LRMDA: variants seen among roughly 807,000 people sequenced by gnomAD.
LRMDA encodes leucine-rich melanocyte differentiation-associated protein.
Under a neutral mutation model 29.8 loss-of-function variants are expected in LRMDA, and 18 were observed. The ratio of observed to expected loss-of-function variants is 0.60; its 90% CI spans 0.42 to 0.90. The LOEUF (loss-of-function observed/expected upper bound fraction) is 0.90, where lower values mean the gene tolerates loss of function less well. Ranked by LOEUF, LRMDA falls within the 40% of genes least tolerant of loss-of-function variation. The pLI, the probability that LRMDA is intolerant of heterozygous loss-of-function variation, is 0.00. For synonymous variants in LRMDA, 125 were observed against 109.4 expected, an observed-to-expected ratio of 1.14 and a Z score of -0.89; for missense variants, 273 against 273.9, an observed-to-expected ratio of 1.00 and a Z score of 0.02.
chr10:75,707,320 A>G (rs1321634135), intron 2 of LRMDA, among the ~76,000 whole-genome samples: 1 of 152,218 alleles, frequency 6.6e-6, no homozygotes, highest in Non-Finnish European at 1.5e-5. Flanking sequence ...TGTGGGGCCC[A>G]CAGAAACTGA....
chr10:76,116,463 C>T (rs1849669344), intron 5 of LRMDA, among the ~76,000 whole-genome samples: 1 of 152,152 alleles, frequency 6.6e-6, no homozygotes, highest in Non-Finnish European at 1.5e-5. Flanking sequence ...ACTAGAACCC[C>T]AGGCTTCCTA....
chr10:75,744,012 C>T (rs1842862463), intron 2 of LRMDA, among the ~76,000 whole-genome samples: 1 of 152,156 alleles, frequency 6.6e-6, no homozygotes, highest in African/African-American at 2.4e-5. Flanking sequence ...AGTTGAACCA[C>T]TAGGGTGTTG....
At chr10:75,695,454 C>A (rs994871304) in intron 2 of LRMDA, among the ~76,000 whole-genome samples, 1 of 151,608 alleles carries the variant, frequency 6.6e-6, no homozygotes, top group Non-Finnish European at 1.5e-5. Context: ...TTCTGTTGCC[C>A]CAGAGCTTTT....
Position 76,496,630 on chromosome 10 carries a change from T to C in LRMDA, c.602-60579T>C, listed in dbSNP as rs1276624178. On this transcript the variant is annotated intron_variant, in intron 6 of 6. Coordinates refer to ENST00000611255, the MANE Select transcript of LRMDA (RefSeq NM_001305581.2). ...TGACTCAGTGTGTTTTTGAAGCTTA[T>C]TGGGTCTTGATTATTACATTTCAAA... Among the ~76,000 whole-genome samples the C allele has an allele frequency of 2.7e-5, 2 of 75,222 alleles. 1 individual carries two copies. The highest frequency in any genetic ancestry group is 8.8e-5 in the Non-Finnish European group (2 of 22,646). The allele number at this position is 75,222 out of a possible 152,430, so 49.3% of individuals were successfully genotyped here. A position where few individuals can be genotyped will look rare whatever the true frequency, so the allele number is the denominator to read the frequency against.
At chr10:76,425,445 G>A (rs12571145) in intron 6 of LRMDA, among the ~76,000 whole-genome samples, 2 of 151,666 alleles carry the variant, frequency 1.3e-5, no homozygotes, top group East Asian at 3.9e-4. Flanking sequence ...TGGCCAAGTT[G>A]CTTAACCTCT....
At chr10:75,733,919 G>A (rs904278931) in intron 2 of LRMDA, among the ~76,000 whole-genome samples, 9 of 152,172 alleles carry the variant, frequency 5.9e-5, no homozygotes, top group South Asian at 2.1e-4. Flanking sequence ...GACTTTTATC[G>A]GTAGTAGCCT....
At chr10:76,364,825 T>G (rs1040153730) in intron 6 of LRMDA, among the ~76,000 whole-genome samples, 1 of 151,504 alleles carries the variant, frequency 6.6e-6, no homozygotes, top group East Asian at 1.9e-4. Context: ...TGCACCACAT[T>G]TGTAGTCTTT....
intron 2 of LRMDA, among the ~76,000 whole-genome samples, chr10:76,035,097 T>G (rs963101483): frequency 1.5e-5 from 2 of 129,086 alleles, no homozygotes; most frequent in East Asian, 2.1e-4. Flanking sequence ...CTTTCTGCTG[T>G]TTTTTTTTTT....
At chr10:75,777,158 G>A (rs1319612155) in intron 2 of LRMDA, among the ~76,000 whole-genome samples, 1 of 152,194 alleles carries the variant, frequency 6.6e-6, no homozygotes, top group Non-Finnish European at 1.5e-5. Context: ...CAGAGTACAG[G>A]CTGCCGAGCT....
intron 6 of LRMDA, among the ~76,000 whole-genome samples, chr10:76,510,163 C>T (rs1159075804): frequency 2.0e-5 from 3 of 152,124 alleles, no homozygotes; most frequent in Admixed American, 6.5e-5. Context: ...CTCCGCCTCC[C>T]GGATTCAAGC....
At chr10:75,726,240 G>T (rs1030287327) in intron 2 of LRMDA, among the ~76,000 whole-genome samples, 2 of 152,196 alleles carry the variant, frequency 1.3e-5, no homozygotes, top group African/African-American at 4.8e-5. Context: ...ATAAGGAGAA[G>T]AACGAAAGTT....
At chr10:75,803,268 G>T (rs1487456649) in intron 2 of LRMDA, among the ~76,000 whole-genome samples, 3 of 152,150 alleles carry the variant, frequency 2.0e-5, no homozygotes, top group Non-Finnish European at 4.4e-5. Flanking sequence ...GAAGATGGTG[G>T]TGCAGTTTTC....
intron 2 of LRMDA, among the ~76,000 whole-genome samples, chr10:75,659,820 CCTTT>C (rs769888383): frequency 3.9e-4 from 60 of 152,226 alleles, no homozygotes; most frequent in Middle Eastern, 3.4e-3. Flanking sequence ...TCTGTCACTT[CCTTT>C]CTTTCTTTTT....
chr10:76,347,062 G>A (rs1841117575), intron 6 of LRMDA, among the ~76,000 whole-genome samples: 1 of 152,180 alleles, frequency 6.6e-6, no homozygotes, highest in Admixed American at 6.5e-5. Context: ...AGAAAGCAGA[G>A]TAATACTGCA....
chr10:76,098,512 T>A (rs2132099550), intron 5 of LRMDA, among the ~76,000 whole-genome samples: 1 of 152,336 alleles, frequency 6.6e-6, no homozygotes, highest in South Asian at 2.1e-4. Context: ...CATTTTAATA[T>A]CTTAAATATC....
chr10:75,688,693 C>T (rs908977276), intron 2 of LRMDA, among the ~76,000 whole-genome samples: 1 of 152,150 alleles, frequency 6.6e-6, no homozygotes, highest in Non-Finnish European at 1.5e-5. Flanking sequence ...TACTATCAAA[C>T]GGCATCACAC....
chr10:75,469,363 G>C (rs1389362484), intron 2 of LRMDA, among the ~76,000 whole-genome samples: 2 of 152,002 alleles, frequency 1.3e-5, no homozygotes, highest in African/African-American at 4.8e-5. Context: ...CTGGCCCCCA[G>C]TGCAACCAAA....
intron 2 of LRMDA, among the ~76,000 whole-genome samples, chr10:75,957,601 T>C (rs1564616506): frequency 6.6e-6 from 1 of 152,212 alleles, no homozygotes; most frequent in Non-Finnish European, 1.5e-5. Flanking sequence ...CAGTACAGTT[T>C]TAATATCTCC....
chr10:76,337,764 G>T (rs112317018), intron 6 of LRMDA, among the ~76,000 whole-genome samples: 1 of 152,246 alleles, frequency 6.6e-6, no homozygotes, highest in South Asian at 2.1e-4. Context: ...GCTCCACCAA[G>T]AGGGTGTGAG....
Sources: gnomAD v4.1 joint callset for allele counts (sites outside exome capture counted in the v4.1 genomes callset) on GRCh38, gnomAD v4.1.1 for gene constraint, MANE v1.5 for transcripts, NCBI Gene and HGNC (gene_info 2026-07-23, HGNC 2026-07-21) for gene names.